The following DR1 variants were observed in gnomAD, a reference collection of about 807,000 sequenced individuals.
DR1 encodes the protein protein Dr1.
In DR1, 7 loss-of-function variants were observed where a neutral mutation model predicts 19.9. That is an observed-to-expected ratio of 0.35 (90% CI 0.20 to 0.66). The LOEUF is 0.66. DR1 is among the 30% of genes least tolerant of loss of function. DR1 has a pLI of 0.66. For synonymous variants in DR1, 76 were observed against 72.5 expected (o/e 1.05, Z -0.24); for missense variants, 98 against 203.7 (o/e 0.48, Z 3.16).
intron 1 of DR1, among the ~76,000 whole-genome samples, chr1:93,350,749 G>A (rs1220340441): frequency 6.6e-6 from 1 of 152,040 alleles, no homozygotes; most frequent in Non-Finnish European, 1.5e-5. Flanking sequence ...TTTTCTGGTT[G>A]TAGTTTTGAG....
At position 93,364,602 on chromosome 1, in the gene DR1, C is replaced by G. The variant is rs1667095045; in HGVS notation, c.*3963C>G. 1 of 152,040 alleles carries G rather than the reference C, an allele frequency of 6.6e-6. No homozygotes were observed. Among genetic ancestry groups the G allele is most frequent in the Non-Finnish European group, 1.5e-5 (1 of 68,008 alleles). The allele number at this position is 152,040 out of a possible 1,614,324, so 9.4% of individuals were successfully genotyped here. A position where few individuals can be genotyped will look rare whatever the true frequency, so the allele number is the denominator to read the frequency against. On this transcript the variant is annotated 3_prime_UTR_variant, in exon 3 of 3. Transcript: ENST00000370272. ...GTCCCCAACAATTTGACCACAAGTC[C>G]TACCCCACCTCCTCTGTTTTTCACC... is the stretch of plus-strand genomic sequence containing the variant.
Position 93,368,721 on chromosome 1 carries a change from T to C in DR1, c.*8082T>C, listed in dbSNP as rs113581646. On this transcript the variant is annotated 3_prime_UTR_variant, in exon 3 of 3. Transcript: ENST00000370272. Reference sequence around the variant, plus strand: ...ATGGTATTTATTTCCAAAACACTTATTTGGTATATTACATAGGATAGAGTA... The same window carrying C: ...ATGGTATTTATTTCCAAAACACTTACTTGGTATATTACATAGGATAGAGTA... 9 of 152,200 alleles carry C rather than the reference T, an allele frequency of 5.9e-5. No homozygotes were observed. The highest frequency in any genetic ancestry group is 1.3e-4 in the Admixed American group (2 of 15,268). 9.4% of individuals were successfully genotyped at this position (152,200 alleles called of 1,614,324 possible). A position where few individuals can be genotyped will look rare whatever the true frequency, so the allele number is the denominator to read the frequency against.
At chr1:93,355,138 G>A (rs1036683561) in intron 2 of DR1, 1 of 151,820 alleles carries the variant, frequency 6.6e-6, no homozygotes, top group Non-Finnish European at 1.5e-5. Context: ...ATGCTAAATT[G>A]AACATTTAGT....
chr1:93,357,693 A>G (rs1434428205), intron 2 of DR1, among the ~76,000 whole-genome samples: 1 of 151,974 alleles, frequency 6.6e-6, no homozygotes, highest in East Asian at 1.9e-4. Context: ...ATAACATTTA[A>G]TGTAGACCTC....
rs1250850778 is a variant in DR1, at chr1:93,368,673, G to C, written c.*8034G>C. ...AGAATCCATGTAGTAGGGTGTAGTAGTGTGGTTAAGCTATGAAGAACAATG... is the reference window on the plus strand; with the variant it reads ...AGAATCCATGTAGTAGGGTGTAGTACTGTGGTTAAGCTATGAAGAACAATG... On this transcript the variant is annotated 3_prime_UTR_variant, in exon 3 of 3. Transcript: ENST00000370272. The C allele has an allele frequency of 3.3e-5, 5 of 152,288 alleles. No individual in the cohort carries two copies. The highest frequency in any genetic ancestry group is 3.4e-3 in the Middle Eastern group (1 of 294). 9.4% of individuals were successfully genotyped at this position (152,288 alleles called of 1,614,324 possible).
At position 93,363,628 on chromosome 1, in the gene DR1, T is replaced by G. The variant is rs1002910534; in HGVS notation, c.*2989T>G. On this transcript the variant is annotated 3_prime_UTR_variant, in exon 3 of 3. Transcript: ENST00000370272. ...TCAGATCTTTCCCTGCCTCTAAGTT[T>G]AGGGCTCACCTGCATAAAGCAGGGA... 2 of 152,222 alleles carry G rather than the reference T, an allele frequency of 1.3e-5. No individual in the cohort carries two copies. The highest frequency in any genetic ancestry group is 2.9e-5 in the Non-Finnish European group (2 of 68,040). The allele number at this position is 152,222 out of a possible 1,614,324, so 9.4% of individuals were successfully genotyped here. A position where few individuals can be genotyped will look rare whatever the true frequency, so the allele number is the denominator to read the frequency against.
In DR1 at chr1:93,366,941, G is replaced by C. The variant is rs1667170660; in HGVS notation, c.*6302G>C. 1 of 152,188 alleles carries C rather than the reference G, an allele frequency of 6.6e-6. No individual in the cohort carries two copies. The highest frequency in any genetic ancestry group is 2.4e-5 in the African/African-American group (1 of 41,402). 9.4% of individuals were successfully genotyped at this position (152,188 alleles called of 1,614,324 possible). A position where few individuals can be genotyped will look rare whatever the true frequency, so the allele number is the denominator to read the frequency against. ...CCCTTGAGCCTGGGAGGTCGAGGCT[G>C]CAGTGAGCCATGATCACGCTACTGC... On this transcript the variant is annotated 3_prime_UTR_variant, in exon 3 of 3. Transcript: ENST00000370272.
chr1:93,358,085 G>T (rs1033756887), intron 2 of DR1, among the ~76,000 whole-genome samples: 1 of 152,090 alleles, frequency 6.6e-6, no homozygotes, highest in African/African-American at 2.4e-5. Context: ...ACCAACCTGG[G>T]CAATATAGTG....
intron 2 of DR1, chr1:93,355,352 A>T (rs1276684541): frequency 6.6e-6 from 1 of 152,236 alleles, no homozygotes; most frequent in Non-Finnish European, 1.5e-5. Context: ...TGCTAGGCTT[A>T]CAAGAGTGAA....
intron 1 of DR1, among the ~76,000 whole-genome samples, chr1:93,351,972 T>G (rs1295267463): frequency 6.6e-6 from 1 of 152,238 alleles, no homozygotes; most frequent in Middle Eastern, 3.2e-3. Context: ...CTGAGTTGGT[T>G]AAGTGATTCT....
intron 1 of DR1, among the ~76,000 whole-genome samples, chr1:93,349,142 T>C (rs1557744884): frequency 6.6e-6 from 1 of 152,124 alleles, no homozygotes; most frequent in Non-Finnish European, 1.5e-5. Flanking sequence ...TTTCACTTGT[T>C]CATTTCTCAC....
In DR1 at chr1:93,354,024, A is replaced by G; in HGVS notation, c.337A>G (p.Ile113Val). The G allele has an allele frequency of 7.4e-6, 12 of 1,613,876 alleles. No individual in the cohort carries two copies. Among genetic ancestry groups the G allele is most frequent in the Non-Finnish European group, 1.0e-5 (12 of 1,179,854 alleles). The change falls in exon 2 of 3, where the codon ATT becomes GTT. Residue 113 changes from isoleucine (I) to valine (V), a missense_variant. Coordinates refer to ENST00000370272, the MANE Select transcript of DR1 (RefSeq NM_001938.3). ...KASSRLENLG[I>V]PEEELLRQQQ... ...CAGTTCTCGTTTGGAAAACCTTGGCATTCCTGAAGAAGAGTTATTGAGACA... is the reference window on the plus strand; with the variant it reads ...CAGTTCTCGTTTGGAAAACCTTGGCGTTCCTGAAGAAGAGTTATTGAGACA...
rs1275527802 is a variant in DR1 at position 93,366,225 on chromosome 1, A to T, written c.*5586A>T. ...GTTCATTCATGTTGTAGCATGTATT[A>T]GAATTTCTTTCCTCTTAAAGGCCAA... is the stretch of plus-strand genomic sequence containing the variant. On this transcript the variant is annotated 3_prime_UTR_variant, in exon 3 of 3. Coordinates refer to ENST00000370272, the MANE Select transcript of DR1 (RefSeq NM_001938.3). 1 of 152,260 alleles carries T rather than the reference A, an allele frequency of 6.6e-6. No homozygotes were observed. Among genetic ancestry groups the T allele is most frequent in the Non-Finnish European group, 1.5e-5 (1 of 68,040 alleles). The allele number at this position is 152,260 out of a possible 1,614,324, so 9.4% of individuals were successfully genotyped here.
chr1:93,354,009 T>A lies in DR1; in HGVS notation c.322T>A (p.Leu108Met). ...ALKRRKASSR[L>M]ENLGIPEEEL... ...AAAAAGAAGAAAGGCCAGTTCTCGT[T>A]TGGAAAACCTTGGCATTCCTGAAGA... The change falls in exon 2 of 3, where the codon TTG becomes ATG. Residue 108 changes from leucine (L) to methionine (M), a missense_variant. Leu to Met is a conservative substitution (Grantham distance 15). Coordinates refer to ENST00000370272, the MANE Select transcript of DR1 (RefSeq NM_001938.3). 6.2e-7 allele frequency: 1 copy of A among 1,613,922 alleles called. No homozygotes were observed.
In DR1 at chr1:93,360,850, T is replaced by A. The variant is rs970781833; in HGVS notation, c.*211T>A. On this transcript the variant is annotated 3_prime_UTR_variant, in exon 3 of 3. Transcript: ENST00000370272. ...ATTGAAAATTTAAGGTTCAGTATAA[T>A]ATCAATTTTGAATTTTTAATGGTGT... 2 of 501,220 alleles carry A rather than the reference T, an allele frequency of 4.0e-6. No individual in the cohort carries two copies. The highest frequency in any genetic ancestry group is 4.1e-5 in the African/African-American group (2 of 49,246). The allele number at this position is 501,220 out of a possible 1,614,324, so 31.0% of individuals were successfully genotyped here.
At position 93,368,829 on chromosome 1, in the gene DR1, T is replaced by G. The variant is rs927626306; in HGVS notation, c.*8190T>G. 2.0e-5 allele frequency: 3 copies of G among 152,142 alleles called. No homozygotes were observed. Among genetic ancestry groups the G allele is most frequent in the Non-Finnish European group, 1.5e-5 (1 of 68,030 alleles). The allele number at this position is 152,142 out of a possible 1,614,324, so 9.4% of individuals were successfully genotyped here. ...AGTAGCCCTTACAAAATTTCGTCTG[T>G]CTTTATTATAAACATGTTGTAAGTG... is the stretch of plus-strand genomic sequence containing the variant. On this transcript the variant is annotated 3_prime_UTR_variant, in exon 3 of 3. Coordinates refer to ENST00000370272, the MANE Select transcript of DR1 (RefSeq NM_001938.3).
In DR1 at chr1:93,361,054, CTG is replaced by C. The variant is rs1393045300; in HGVS notation, c.*420_*421del. On this transcript the variant is annotated 3_prime_UTR_variant, in exon 3 of 3. Coordinates refer to ENST00000370272, the MANE Select transcript of DR1 (RefSeq NM_001938.3). ...ATTTTAAATTATTAAGGGGGGGGTG[CTG>C]TGTGAATCAGTAGACATTGGATTGG... 8.4e-4 allele frequency: 127 copies of C among 151,146 alleles called. No homozygotes were observed. Among genetic ancestry groups the C allele is most frequent in the Admixed American group, 1.7e-3 (23 of 13,200 alleles). The allele number at this position is 151,146 out of a possible 1,614,324, so 9.4% of individuals were successfully genotyped here.
At chr1:93,356,973 T>C (rs550955194) in intron 2 of DR1, among the ~76,000 whole-genome samples, 58 of 152,200 alleles carry the variant, frequency 3.8e-4, no homozygotes, top group Admixed American at 1.5e-3. Context: ...CCGCCCACCT[T>C]GGCCTCCCAC....
chr1:93,354,287 G>T (rs763163625), intron 2 of DR1, among the ~76,000 whole-genome samples: 12 of 152,102 alleles, frequency 7.9e-5, no homozygotes, highest in Admixed American at 1.3e-4. Context: ...AATACCTATT[G>T]AAATTTCACT....
Sources: gnomAD v4.1 joint callset for allele counts (sites outside exome capture counted in the v4.1 genomes callset) on GRCh38, gnomAD v4.1.1 for gene constraint, MANE v1.5 for transcripts, NCBI Gene and HGNC (gene_info 2026-07-23, HGNC 2026-07-21) for gene names.